Variants in CSMD2 observed in about 807,000 individuals in gnomAD.
CSMD2 encodes CUB and sushi domain-containing protein 2.
CSMD2 carries 130 observed loss-of-function variants against 398.5 expected under a neutral mutation model. That is an observed-to-expected ratio of 0.33 (90% confidence interval 0.28 to 0.38). The LOEUF (loss-of-function observed/expected upper bound fraction) is 0.38, where lower values mean the gene tolerates loss of function less well. Among genes scored for constraint, CSMD2 ranks in the 10% least tolerant of loss-of-function variants. CSMD2 has a pLI of 1.00. For synonymous variants in CSMD2, 1,828 were observed against 1,908.5 expected (o/e 0.96, Z 1.10); for missense variants, 3,829 against 4,764.9 (o/e 0.80, Z 5.78).
intron 25 of CSMD2, among the ~76,000 whole-genome samples, chr1:33,664,313 ACTTT>A (rs1208143722): frequency 2.6e-5 from 4 of 152,140 alleles, no homozygotes; most frequent in African/African-American, 9.7e-5. Flanking sequence ...GTTTTCTATA[ACTTT>A]CTTTCTTCAT....
chr1:34,017,798 A>G (rs954888101), intron 3 of CSMD2, among the ~76,000 whole-genome samples: 2 of 152,144 alleles, frequency 1.3e-5, no homozygotes, highest in African/African-American at 4.8e-5. Flanking sequence ...TTATTACATG[A>G]ATTTCCTTCT....
At chr1:34,025,280 T>C (rs796695058) in intron 3 of CSMD2, among the ~76,000 whole-genome samples, 62 of 152,154 alleles carry the variant, frequency 4.1e-4, no homozygotes, top group African/African-American at 1.4e-3. Flanking sequence ...TTTCCAGAAG[T>C]GACACTAAGT....
chr1:34,029,334 A>G (rs1404628399), intron 3 of CSMD2, among the ~76,000 whole-genome samples: 1 of 152,120 alleles, frequency 6.6e-6, no homozygotes, highest in Non-Finnish European at 1.5e-5. Flanking sequence ...CCACCCCACA[A>G]TGAGGCTCAG....
At chr1:34,089,854 T>A (rs1037848411) in intron 1 of CSMD2, among the ~76,000 whole-genome samples, 1 of 152,122 alleles carries the variant, frequency 6.6e-6, no homozygotes, top group Non-Finnish European at 1.5e-5. Flanking sequence ...CAAGACTCTA[T>A]CGTTAAGAAA....
intron 14 of CSMD2, 78 bp downstream of exon 14, chr1:33,743,202 T>C: frequency 7.8e-7 from 1 of 1,286,242 alleles, no homozygotes; most frequent in Non-Finnish European, 1.1e-6. Flanking sequence ...TCCTCCTCCC[T>C]CCATGGGAGC....
At chr1:33,669,166 T>G (rs1348833361) in intron 25 of CSMD2, among the ~76,000 whole-genome samples, 1 of 152,228 alleles carries the variant, frequency 6.6e-6, no homozygotes, top group Non-Finnish European at 1.5e-5. Flanking sequence ...TCAAACCATG[T>G]CTGTCTGGTA....
intron 1 of CSMD2, among the ~76,000 whole-genome samples, chr1:34,105,461 A>G (rs1482717779): frequency 2.6e-5 from 4 of 152,190 alleles, no homozygotes; most frequent in African/African-American, 9.7e-5. Context: ...TTTTTCTAGA[A>G]TCACATACAT....
At chr1:34,034,182 C>G (rs1156778250) in intron 2 of CSMD2, among the ~76,000 whole-genome samples, 1 of 152,150 alleles carries the variant, frequency 6.6e-6, no homozygotes, top group South Asian at 2.1e-4. Flanking sequence ...GCAGAGGACT[C>G]TCTTTGCACC....
intron 3 of CSMD2, among the ~76,000 whole-genome samples, chr1:33,936,363 G>A (rs1644480343): frequency 6.6e-6 from 1 of 152,226 alleles, no homozygotes; most frequent in Non-Finnish European, 1.5e-5. Context: ...CATAAGGCAT[G>A]GCATAAGAGT....
At chr1:33,540,985 G>T in intron 59 of CSMD2, 145 bp downstream of exon 59, 2 of 876,810 alleles carry the variant, frequency 2.3e-6, no homozygotes, top group South Asian at 1.6e-5. Context: ...ATGTTCAGGG[G>T]CCAGTTTTCT....
At chr1:33,845,742 C>G (rs546355587) in intron 6 of CSMD2, among the ~76,000 whole-genome samples, 1 of 152,352 alleles carries the variant, frequency 6.6e-6, no homozygotes, top group South Asian at 2.1e-4. Flanking sequence ...CCACCCAAGG[C>G]TAAGTAAATT....
intron 6 of CSMD2, among the ~76,000 whole-genome samples, chr1:33,837,002 CT>C (rs1377889954): frequency 1.3e-5 from 2 of 152,216 alleles, no homozygotes; most frequent in Non-Finnish European, 1.5e-5. Context: ...GCCATCTTGG[CT>C]CCACCTCCAG....
intron 13 of CSMD2, among the ~76,000 whole-genome samples, chr1:33,762,443 A>G (rs1159076235): frequency 6.6e-6 from 1 of 152,230 alleles, no homozygotes; most frequent in African/African-American, 2.4e-5. Flanking sequence ...AGTAGAGGTC[A>G]CAGCCCAGGA....
At chr1:34,130,472 G>A (rs1027219121) in intron 1 of CSMD2, among the ~76,000 whole-genome samples, 13 of 151,566 alleles carry the variant, frequency 8.6e-5, no homozygotes, top group African/African-American at 2.9e-4. Context: ...GAAGCATGCA[G>A]GAGTGGTGGG....
intron 13 of CSMD2, among the ~76,000 whole-genome samples, chr1:33,751,073 C>G (rs1303478002): frequency 6.6e-6 from 1 of 151,816 alleles, no homozygotes; most frequent in Admixed American, 6.6e-5. Context: ...GATGTACACT[C>G]AACATAGAAA....
rs1171945649 is a variant in CSMD2 at position 33,518,462 on chromosome 1, T to G, written c.*53+1003A>C. ...GCCCCCTGTCTATATTTCCGGGAGC[T>G]CCTCCCCTCTGTTGTGCTCAATGTG... On this transcript the variant is annotated intron_variant, in intron 70 of 70. Transcript: ENST00000373381. This position sits in a 1 kb window ranked among gnomAD's most constrained non-coding sequence, Gnocchi z 4.3. Among the ~76,000 whole-genome samples, 2 of 152,008 alleles carry G rather than the reference T, an allele frequency of 1.3e-5. No individual in the cohort carries two copies. Among genetic ancestry groups the G allele is most frequent in the Non-Finnish European group, 2.9e-5 (2 of 68,004 alleles).
At chr1:33,966,013 G>A (rs964370945) in intron 3 of CSMD2, among the ~76,000 whole-genome samples, 21 of 152,204 alleles carry the variant, frequency 1.4e-4, no homozygotes, top group African/African-American at 5.1e-4. Flanking sequence ...CAAGGAACGA[G>A]GTGGAATGGC....
At chr1:34,026,760 G>C (rs542122830) in intron 3 of CSMD2, among the ~76,000 whole-genome samples, 1 of 152,318 alleles carries the variant, frequency 6.6e-6, no homozygotes, top group South Asian at 2.1e-4. Flanking sequence ...TCTGGGGCTA[G>C]GGTGAGAAAA....
Position 33,577,402 on chromosome 1 carries a change from G to A in CSMD2, c.7470C>T (p.His2490=). 4.3e-6 allele frequency: 7 copies of A among 1,614,198 alleles called. No individual in the cohort carries two copies. The highest frequency in any genetic ancestry group is 5.9e-6 in the Non-Finnish European group (7 of 1,180,034). ...GGCGGTAGCCGGCGTTGCAGCCAAAGTGGATGGAGCCCCCGGGCTGGGTGC... is the reference window on the plus strand; with the variant it reads ...GGCGGTAGCCGGCGTTGCAGCCAAAATGGATGGAGCCCCCGGGCTGGGTGC... The part of the protein sequence containing the change: ...QTSTQPGGSI[H]FGCNAGYRLV... Residue 2490 remains histidine (H), a synonymous_variant, in exon 49 of 71, where the codon CAC becomes CAT. Transcript: ENST00000373381.
Sources: gnomAD v4.1 joint callset for allele counts (sites outside exome capture counted in the v4.1 genomes callset) on GRCh38, gnomAD v4.1.1 for gene constraint, Gnocchi (gnomAD v3.1) non-coding constraint, MANE v1.5 for transcripts, NCBI Gene and HGNC (gene_info 2026-07-23, HGNC 2026-07-21) for gene names.